Variants in DGUOK observed in about 807,000 individuals in gnomAD.
The protein encoded by DGUOK is deoxyguanosine kinase, mitochondrial.
Under a neutral mutation model 36.6 loss-of-function variants are expected in DGUOK, and 30 were observed. That is an observed-to-expected ratio of 0.82 (90% CI 0.61 to 1.11). DGUOK has a LOEUF of 1.11. DGUOK is among the 50% of genes most tolerant of loss of function. The pLI, the probability that DGUOK is intolerant of heterozygous loss-of-function variation, is 0.00. For synonymous variants in DGUOK, 145 were observed against 126.3 expected, an observed-to-expected ratio of 1.15 and a Z score of -0.99; for missense variants, 361 against 336.4, an observed-to-expected ratio of 1.07 and a Z score of -0.57.
chr2:73,937,731 T>G (rs1208139811), intron 1 of DGUOK, among the ~76,000 whole-genome samples: 1 of 152,214 alleles, frequency 6.6e-6, no homozygotes, highest in Non-Finnish European at 1.5e-5. Flanking sequence ...TTGAATAGTC[T>G]CTGGAGCTCA....
intron 1 of DGUOK, among the ~76,000 whole-genome samples, chr2:73,931,856 A>G (rs1375774411): frequency 6.6e-6 from 1 of 152,150 alleles, no homozygotes; most frequent in Non-Finnish European, 1.5e-5. Flanking sequence ...AAGAACTGAA[A>G]TGACAGAGAA....
At chr2:73,955,872 CAA>C (rs745715395) in intron 4 of DGUOK, among the ~76,000 whole-genome samples, 1 of 150,326 alleles carries the variant, frequency 6.7e-6, no homozygotes, top group East Asian at 1.9e-4. Flanking sequence ...GACTCTGTCT[CAA>C]AAAAAAAGAG....
intron 2 of DGUOK, among the ~76,000 whole-genome samples, chr2:73,945,120 T>G (rs1682200415): frequency 6.6e-6 from 1 of 152,232 alleles, no homozygotes; most frequent in Non-Finnish European, 1.5e-5. Context: ...TTCTTACTGT[T>G]GTTGAATCTT....
chr2:73,958,309 C>T, intron 6 of DGUOK, 64 bp downstream of exon 6: 1 of 1,365,202 alleles, frequency 7.3e-7, no homozygotes, highest in South Asian at 1.2e-5. Flanking sequence ...TCTTTCTGGC[C>T]TTTGCTTCAA....
intron 4 of DGUOK, among the ~76,000 whole-genome samples, chr2:73,955,520 T>TGG (rs1455951532): frequency 6.6e-6 from 1 of 152,234 alleles, no homozygotes; most frequent in Non-Finnish European, 1.5e-5. Flanking sequence ...CCCAAGTCTT[T>TGG]GGGATTATTG....
At chr2:73,955,291 A>T (rs952716498) in intron 4 of DGUOK, among the ~76,000 whole-genome samples, 1 of 152,060 alleles carries the variant, frequency 6.6e-6, no homozygotes, top group Non-Finnish European at 1.5e-5. Flanking sequence ...AACAGACAAC[A>T]TTTTTTTTCT....
chr2:73,930,006 G>A (rs1223352795), intron 1 of DGUOK, among the ~76,000 whole-genome samples: 3 of 152,212 alleles, frequency 2.0e-5, no homozygotes, highest in Non-Finnish European at 4.4e-5. Flanking sequence ...GGTAAATCGG[G>A]ACAGAGGATA....
At chr2:73,934,383 T>A (rs954157685) in intron 1 of DGUOK, among the ~76,000 whole-genome samples, 2 of 152,210 alleles carry the variant, frequency 1.3e-5, no homozygotes, top group Admixed American at 1.3e-4. Context: ...AGAACACTGG[T>A]GGCCAGGGTC....
chr2:73,956,517 G>A (rs2104996186), intron 4 of DGUOK, among the ~76,000 whole-genome samples: 1 of 152,294 alleles, frequency 6.6e-6, no homozygotes, highest in South Asian at 2.1e-4. Context: ...CTGGAAGGAG[G>A]GAACAGCTTT....
chr2:73,930,790 TTTTC>T (rs374230687), intron 1 of DGUOK, among the ~76,000 whole-genome samples: 5,771 of 40,598 alleles, frequency 0.14, 540 homozygotes, highest in African/African-American at 0.2. Context: ...TTCTTTTTTT[TTTTC>T]TTTTTTTTTT....
At chr2:73,955,563 T>G (rs1192818951) in intron 4 of DGUOK, among the ~76,000 whole-genome samples, 2 of 152,210 alleles carry the variant, frequency 1.3e-5, no homozygotes, top group Admixed American at 6.5e-5. Flanking sequence ...TTTTCATTTC[T>G]TAAGTAAGTT....
At chr2:73,934,398 G>A (rs542389404) in intron 1 of DGUOK, among the ~76,000 whole-genome samples, 5 of 152,124 alleles carry the variant, frequency 3.3e-5, no homozygotes, top group Non-Finnish European at 5.9e-5. Context: ...AGGGTCCTAA[G>A]GGAAGGTTTG....
At chr2:73,947,372 T>C (rs774910837) in intron 3 of DGUOK, among the ~76,000 whole-genome samples, 3 of 152,182 alleles carry the variant, frequency 2.0e-5, no homozygotes, top group Non-Finnish European at 2.9e-5. Flanking sequence ...TTTTTTTTTA[T>C]TGTTCAAGAA....
chr2:73,928,818 A>G (rs1019757726), intron 1 of DGUOK, among the ~76,000 whole-genome samples: 118 of 152,206 alleles, frequency 7.8e-4, no homozygotes, highest in African/African-American at 2.8e-3. Context: ...GTTAAGTGGT[A>G]TTGCAATAAT....
At chr2:73,950,205 T>C (rs1682607896) in intron 3 of DGUOK, among the ~76,000 whole-genome samples, 1 of 152,176 alleles carries the variant, frequency 6.6e-6, no homozygotes, top group South Asian at 2.1e-4. Context: ...CTTGCTATAA[T>C]AATAATAAGG....
At chr2:73,944,227 C>T (rs543595128) in intron 2 of DGUOK, among the ~76,000 whole-genome samples, 42 of 152,078 alleles carry the variant, frequency 2.8e-4, no homozygotes, top group Admixed American at 5.2e-4. Context: ...ACTATGTTGC[C>T]CAAGTTAGTC....
chr2:73,942,848 TG>T (rs1214049643), intron 2 of DGUOK, among the ~76,000 whole-genome samples: 1 of 152,250 alleles, frequency 6.6e-6, no homozygotes, highest in Non-Finnish European at 1.5e-5. Context: ...GTAGACCGTG[TG>T]GTACACGTAC....
At chr2:73,932,662 C>T in intron 1 of DGUOK, 2 of 1,291,358 alleles carry the variant, frequency 1.5e-6, no homozygotes, top group Non-Finnish European at 1.0e-6. Context: ...GGAAGGTGAA[C>T]CCCTGTCCTG....
At chr2:73,957,449 G>A (rs1184880641) in intron 5 of DGUOK, among the ~76,000 whole-genome samples, 1 of 152,180 alleles carries the variant, frequency 6.6e-6, no homozygotes, top group Non-Finnish European at 1.5e-5. Context: ...GGAGGCTGAG[G>A]CAGTCACCTG....
Sources: allele counts gnomAD v4.1 joint callset (sites outside exome capture counted in the v4.1 genomes callset), GRCh38; gene constraint gnomAD v4.1.1; transcripts MANE v1.5; gene names NCBI Gene and HGNC (gene_info 2026-07-23, HGNC 2026-07-21).